The following ZNF804A variants were observed in gnomAD, a reference collection of about 807,000 sequenced individuals.
ZNF804A encodes zinc finger protein 804A.
Under a neutral mutation model 16.5 loss-of-function variants are expected in ZNF804A, and 2 were observed. The ratio of observed to expected loss-of-function variants is 0.12; its 90% confidence interval spans 0.05 to 0.38. The LOEUF is 0.38. Among genes scored for constraint, ZNF804A ranks in the 10% least tolerant of loss-of-function variants. ZNF804A has a pLI of 0.99. For missense variants in ZNF804A, 1,473 were observed against 1,390.7 expected, an observed-to-expected ratio of 1.06 and a Z score of -0.94; for synonymous variants, 534 against 489.6, an observed-to-expected ratio of 1.09 and a Z score of -1.20.
intron 1 of ZNF804A, among the ~76,000 whole-genome samples, chr2:184,680,460 G>T (rs2105718576): frequency 6.6e-6 from 1 of 152,308 alleles, no homozygotes; most frequent in Admixed American, 6.5e-5. Context: ...ACCCACTATG[G>T]GTCTCCTCAC....
chr2:184,807,094 T>C (rs1694819685), intron 1 of ZNF804A, among the ~76,000 whole-genome samples: 1 of 150,928 alleles, frequency 6.6e-6, no homozygotes, highest in Admixed American at 6.6e-5. Flanking sequence ...CTTGAATATT[T>C]TGAAAAAAAA....
chr2:184,618,320 G>T (rs573272528), intron 1 of ZNF804A, among the ~76,000 whole-genome samples: 1 of 152,080 alleles, frequency 6.6e-6, no homozygotes, highest in Non-Finnish European at 1.5e-5. Flanking sequence ...TACCAAAAAA[G>T]TTTTCAGCAA....
chr2:184,897,242 T>C (rs1685083478), intron 2 of ZNF804A, among the ~76,000 whole-genome samples: 6 of 152,078 alleles, frequency 3.9e-5, no homozygotes. Flanking sequence ...CAAGGGTACA[T>C]ACTATTATCA....
chr2:184,835,676 A>AC (rs1553482611), intron 1 of ZNF804A, among the ~76,000 whole-genome samples: 8 of 151,006 alleles, frequency 5.3e-5, no homozygotes, highest in African/African-American at 2.0e-4. Flanking sequence ...AAAAAAAAAA[A>AC]CAGAAAAAAG....
intron 2 of ZNF804A, among the ~76,000 whole-genome samples, chr2:184,895,135 C>A (rs2105824287): frequency 6.6e-6 from 1 of 152,056 alleles, no homozygotes; most frequent in Non-Finnish European, 1.5e-5. Context: ...ATTTATAATA[C>A]ACGAAACTAC....
chr2:184,684,922 T>C lies in ZNF804A; in HGVS notation c.111+85852T>C, dbSNP rs1458031021. 2.0e-5 allele frequency among the ~76,000 whole-genome samples: 3 copies of C among 152,048 alleles called. No individual in the cohort carries two copies. In the South Asian group the frequency reaches 6.2e-4, roughly 32 times the overall value. On this transcript the variant is annotated intron_variant, in intron 1 of 3. Coordinates refer to ENST00000302277, the MANE Select transcript of ZNF804A (RefSeq NM_194250.2). ...TTTATGGCTGCATAGTATTCCATGG[T>C]GTATATAGGTCATGGGATCTATGGT...
intron 1 of ZNF804A, among the ~76,000 whole-genome samples, chr2:184,666,953 A>T (rs1011189714): frequency 2.6e-5 from 4 of 152,030 alleles, no homozygotes; most frequent in African/African-American, 4.8e-5. Flanking sequence ...TTTGTTAATT[A>T]CATCTAAATT....
At chr2:184,631,677 A>T (rs1002736842) in intron 1 of ZNF804A, among the ~76,000 whole-genome samples, 2 of 152,188 alleles carry the variant, frequency 1.3e-5, no homozygotes, top group Non-Finnish European at 2.9e-5. Context: ...TCAAAGATTA[A>T]TGAAATGAAA....
chr2:184,900,673 T>C (rs1258184188), intron 2 of ZNF804A, among the ~76,000 whole-genome samples: 1 of 152,096 alleles, frequency 6.6e-6, no homozygotes, highest in Non-Finnish European at 1.5e-5. Context: ...AATCTATATA[T>C]AGGGCAGTTA....
chr2:184,760,462 G>A (rs1440323811), intron 1 of ZNF804A, among the ~76,000 whole-genome samples: 1 of 152,084 alleles, frequency 6.6e-6, no homozygotes, highest in Non-Finnish European at 1.5e-5. Context: ...TTTCTAAACT[G>A]TGGTTTTACT....
chr2:184,930,213 A>C (rs971815035), intron 2 of ZNF804A, among the ~76,000 whole-genome samples: 3 of 152,150 alleles, frequency 2.0e-5, no homozygotes, highest in Admixed American at 2.0e-4. Flanking sequence ...CCTAAAATTT[A>C]TGAGCAAAAT....
chr2:184,767,435 G>C (rs117452038), intron 1 of ZNF804A, among the ~76,000 whole-genome samples: 4 of 152,020 alleles, frequency 2.6e-5, no homozygotes, highest in African/African-American at 7.3e-5. Context: ...GAGTTACCAC[G>C]GGTTTGTGGA....
chr2:184,841,116 T>C (rs1429164560), intron 1 of ZNF804A, among the ~76,000 whole-genome samples: 1 of 152,146 alleles, frequency 6.6e-6, no homozygotes, highest in Non-Finnish European at 1.5e-5. Context: ...CTGCACTATC[T>C]TTCACGTTTT....
chr2:184,624,738 G>C (rs949151071), intron 1 of ZNF804A, among the ~76,000 whole-genome samples: 31 of 152,056 alleles, frequency 2.0e-4, no homozygotes, highest in Admixed American at 1.8e-3. Context: ...AATTTGTTTT[G>C]ATTATGCAAC....
At chr2:184,682,848 A>G (rs975699783) in intron 1 of ZNF804A, among the ~76,000 whole-genome samples, 1 of 152,140 alleles carries the variant, frequency 6.6e-6, no homozygotes, top group African/African-American at 2.4e-5. Context: ...CTCTACAAAA[A>G]AATACAAAAA....
intron 1 of ZNF804A, among the ~76,000 whole-genome samples, chr2:184,704,694 A>G (rs1040275271): frequency 1.3e-5 from 2 of 152,210 alleles, no homozygotes; most frequent in Non-Finnish European, 2.9e-5. Flanking sequence ...CAAATATCTT[A>G]GCCTGGGTTT....
At chr2:184,920,117 A>C (rs917006564) in intron 2 of ZNF804A, among the ~76,000 whole-genome samples, 1 of 152,138 alleles carries the variant, frequency 6.6e-6, no homozygotes, top group Non-Finnish European at 1.5e-5. Context: ...TCCATCTAAA[A>C]AACAACAAAC....
At chr2:184,647,028 G>A (rs1396929764) in intron 1 of ZNF804A, among the ~76,000 whole-genome samples, 1 of 152,146 alleles carries the variant, frequency 6.6e-6, no homozygotes, top group Non-Finnish European at 1.5e-5. Flanking sequence ...CATGTTTGCT[G>A]CAGCTAGCTC....
chr2:184,913,285 A>G (rs934885788), intron 2 of ZNF804A, among the ~76,000 whole-genome samples: 1 of 152,178 alleles, frequency 6.6e-6, no homozygotes, highest in African/African-American at 2.4e-5. Flanking sequence ...AATGGCACAT[A>G]GGAATGAAAG....
Sources: allele counts gnomAD v4.1 joint callset (sites outside exome capture counted in the v4.1 genomes callset), GRCh38; gene constraint gnomAD v4.1.1; transcripts MANE v1.5; gene names NCBI Gene and HGNC (gene_info 2026-07-23, HGNC 2026-07-21).